The following FBXO10 variants were observed in gnomAD, a reference collection of about 807,000 sequenced individuals.
FBXO10 encodes the protein F-box only protein 10.
FBXO10 carries 39 observed loss-of-function variants against 80.7 expected under a neutral mutation model. The ratio of observed to expected loss-of-function variants is 0.48; its 90% confidence interval spans 0.37 to 0.63. The LOEUF is 0.63. Among genes scored for constraint, FBXO10 ranks in the 30% least tolerant of loss-of-function variants. The pLI is 0.00. For synonymous variants in FBXO10, 449 were observed against 489.6 expected, an observed-to-expected ratio of 0.92 and a Z score of 1.09; for missense variants, 1,025 against 1,269.0, an observed-to-expected ratio of 0.81 and a Z score of 2.92.
At chr9:37,519,125 G>A (rs1320263170) in intron 8 of FBXO10, among the ~76,000 whole-genome samples, 1 of 152,082 alleles carries the variant, frequency 6.6e-6, no homozygotes. Context: ...TAGCCAGGAT[G>A]GTCTCGATCT....
chr9:37,535,834 C>T (rs1042650026), intron 3 of FBXO10, among the ~76,000 whole-genome samples: 2 of 152,180 alleles, frequency 1.3e-5, no homozygotes, highest in Non-Finnish European at 2.9e-5. Flanking sequence ...TTCACACACA[C>T]CTCCTTTGCC....
chr9:37,537,518 C>T lies in FBXO10; in HGVS notation c.1011G>A (p.Glu337=). The change falls in exon 3 of 11, where the codon GAG becomes GAA. Residue 337 remains glutamate, a synonymous_variant. Transcript: ENST00000432825. ...PKPGSKAGSQ[E]AEVGSDGERV... The stretch of plus-strand genomic sequence containing the variant: ...TTTCACCATCACTACCCACCTCTGC[C>T]TCCTGTGAGCCAGCCTTGGAGCCTG... 1 of 1,612,700 alleles carries T rather than the reference C, an allele frequency of 6.2e-7. No homozygotes were observed. The highest frequency in any genetic ancestry group is 8.5e-7 in the Non-Finnish European group (1 of 1,179,406).
chr9:37,531,819 A>AT (rs1356169503), intron 4 of FBXO10, 90 bp downstream of exon 4: 15 of 1,482,414 alleles, frequency 1.0e-5, no homozygotes, highest in African/African-American at 1.4e-5. Context: ...GAAGCACGTA[A>AT]ATACAAGAGG....
At chr9:37,532,120 G>C in intron 3 of FBXO10, 62 bp from the exon 4 acceptor site, 1 of 1,523,708 alleles carries the variant, frequency 6.6e-7, no homozygotes, top group South Asian at 1.2e-5. Context: ...GAAACCACTG[G>C]AGGAACACCT....
chr9:37,547,435 CAAAACAAA>C (rs1822084622), intron 1 of FBXO10, among the ~76,000 whole-genome samples: 1 of 151,872 alleles, frequency 6.6e-6, no homozygotes, highest in Non-Finnish European at 1.5e-5. Context: ...GAAAACAAAA[CAAAACAAA>C]AAAACAAAAA....
intron 1 of FBXO10, 127 bp from the exon 2 acceptor site, chr9:37,541,901 C>T (rs759393633): frequency 1.1e-5 from 8 of 756,694 alleles, no homozygotes; most frequent in African/African-American, 5.3e-5. Context: ...CGATCTTGGC[C>T]TCACCATAAC....
At chr9:37,567,420 T>C (rs997974085) in intron 1 of FBXO10, among the ~76,000 whole-genome samples, 6 of 151,056 alleles carry the variant, frequency 4.0e-5, no homozygotes, top group Admixed American at 6.6e-5. Context: ...GCTGGGATTA[T>C]AGGCGTGAGC....
In FBXO10 at chr9:37,522,968, A is replaced by T; in HGVS notation, c.1787T>A (p.Ile596Asn). The stretch of plus-strand genomic sequence containing the variant: ...CACACCTCCCCACTGATTCTCACGG[A>T]TGACATTTTCTATGGAGAGAAGCAG... Reference protein sequence around the residue: ...NGKGLITENVIRENQWGGVDI... With the variant: ...NGKGLITENVNRENQWGGVDI... The change falls in exon 7 of 11, where the codon ATC (isoleucine) becomes AAC (asparagine). Residue 596 changes from isoleucine to asparagine, a missense_variant. Physicochemically the swap from Ile to Asn is moderately radical, Grantham distance 149. Coordinates refer to ENST00000432825, the MANE Select transcript of FBXO10 (RefSeq NM_012166.3). 6.3e-7 allele frequency: 1 copy of T among 1,594,322 alleles called. No individual in the cohort carries two copies. The highest frequency in any genetic ancestry group is 8.5e-7 in the Non-Finnish European group (1 of 1,170,742).
chr9:37,558,853 C>T (rs142135725), intron 1 of FBXO10, among the ~76,000 whole-genome samples: 7 of 151,542 alleles, frequency 4.6e-5, no homozygotes, highest in East Asian at 3.9e-4. Flanking sequence ...TCTTGTTGCC[C>T]AGGCTGGAGT....
At chr9:37,564,107 G>A in intron 1 of FBXO10, among the ~76,000 whole-genome samples, 1 of 152,260 alleles carries the variant, frequency 6.6e-6, no homozygotes, top group Non-Finnish European at 1.5e-5. Flanking sequence ...TTCAGCTGCA[G>A]CAGTGGCTAA....
chr9:37,512,987 G>A (rs10814574), intron 10 of FBXO10, among the ~76,000 whole-genome samples: 50,345 of 152,076 alleles, frequency 0.33, 8,527 homozygotes, highest in East Asian at 0.42. Context: ...CAATTTTCCC[G>A]CTTTGAGACA....
intron 2 of FBXO10, among the ~76,000 whole-genome samples, chr9:37,538,734 TC>T (rs111668011): frequency 8.2e-5 from 12 of 147,198 alleles, no homozygotes; most frequent in African/African-American, 2.8e-4. Flanking sequence ...AAGCATGGGC[TC>T]CGGGGGTTGA....
Position 37,521,617 on chromosome 9 carries a change from G to C in FBXO10, c.2152C>G (p.Pro718Ala). 6.2e-7 allele frequency: 1 copy of C among 1,613,906 alleles called. No homozygotes were observed. Among genetic ancestry groups the C allele is most frequent in the East Asian group, 2.2e-5 (1 of 44,880 alleles). ...LEKEDDPLRRPITIALVESNS... is the reference protein window; with the variant it reads ...LEKEDDPLRRAITIALVESNS... ...GACTCAACAAGAGCTATGGTGATGG[G>C]CCGGCGCAGTGGGTCGTCCTCCTTC... Residue 718 changes from proline to alanine, a missense_variant, in exon 8 of 11, where the codon CCC (proline) becomes GCC (alanine). Around this residue, in one of 3 missense-constraint regions of FBXO10, gnomAD observed 478 missense variants for 667.8 expected, o/e 0.72. Coordinates refer to ENST00000432825, the MANE Select transcript of FBXO10 (RefSeq NM_012166.3).
chr9:37,538,742 T>C (rs1207555218), intron 2 of FBXO10, among the ~76,000 whole-genome samples: 1 of 139,888 alleles, frequency 7.1e-6, no homozygotes, highest in Non-Finnish European at 1.5e-5. Context: ...GCTCCGGGGG[T>C]TGACTGCAAG....
chr9:37,568,600 T>G (rs1481033351), intron 1 of FBXO10, among the ~76,000 whole-genome samples: 1 of 152,218 alleles, frequency 6.6e-6, no homozygotes, highest in Non-Finnish European at 1.5e-5. Context: ...CTAGTAAGAC[T>G]CCAATCAAAG....
Position 37,537,351 on chromosome 9 carries a change from G to C in FBXO10, c.1178C>G (p.Pro393Arg). ...CAGCTGAATGGATGCTCCTGGTAGA[G>C]GTGGGCCCAGAAATGAGCCCCCCAA... ...PVLGGSFLGP[P>R]LPGASIQLPS... The change falls in exon 3 of 11, where the codon CCT becomes CGT. Residue 393 changes from proline to arginine, a missense_variant. Pro to Arg is a moderately radical substitution (Grantham distance 103). This residue lies in a region of FBXO10 where 450 missense variants were observed against 499.4 expected (regional missense o/e 0.90). Coordinates refer to ENST00000432825, the MANE Select transcript of FBXO10 (RefSeq NM_012166.3). The C allele has an allele frequency of 6.2e-7, 1 of 1,602,056 alleles. No individual in the cohort carries two copies. The highest frequency in any genetic ancestry group is 8.5e-7 in the Non-Finnish European group (1 of 1,173,732).
chr9:37,557,912 C>T (rs1268197965), intron 1 of FBXO10, among the ~76,000 whole-genome samples: 2 of 152,194 alleles, frequency 1.3e-5, no homozygotes, highest in South Asian at 4.1e-4. Flanking sequence ...TAACCATCAA[C>T]TACCCAAACA....
At chr9:37,560,958 C>A (rs1490292034) in intron 1 of FBXO10, among the ~76,000 whole-genome samples, 3 of 151,988 alleles carry the variant, frequency 2.0e-5, no homozygotes, top group Admixed American at 6.6e-5. Flanking sequence ...CAGGCTAACA[C>A]GGTGAAACCC....
chr9:37,556,741 C>T (rs1822346533), intron 1 of FBXO10, among the ~76,000 whole-genome samples: 1 of 152,020 alleles, frequency 6.6e-6, no homozygotes, highest in Admixed American at 6.6e-5. Flanking sequence ...ATGGGGGTTT[C>T]ACCATGTTGG....
Sources: allele counts gnomAD v4.1 joint callset (sites outside exome capture counted in the v4.1 genomes callset), GRCh38; gene constraint gnomAD v4.1.1; regional missense constraint gnomAD v4.1.1; transcripts MANE v1.5; gene names NCBI Gene and HGNC (gene_info 2026-07-23, HGNC 2026-07-21).